Variants in KLHL1 observed in about 807,000 individuals in gnomAD.
KLHL1 encodes the protein kelch like family member 1, also known as kelch-like protein 1.
KLHL1 carries 47 observed loss-of-function variants against 77.7 expected under a neutral mutation model. The observed-to-expected ratio is 0.60, with a 90% CI of 0.48 to 0.77. KLHL1 has a LOEUF of 0.77. Ranked by LOEUF, KLHL1 falls within the 30% of genes least tolerant of loss-of-function variation. The probability of loss-of-function intolerance (pLI) is 0.00; values close to 1 mark genes in which losing one functional copy is unlikely to be tolerated. For missense variants in KLHL1, 925 were observed against 910.8 expected (o/e 1.02, Z -0.20); for synonymous variants, 360 against 325.2 (o/e 1.11, Z -1.15).
chr13:69,734,313 A>T (rs1873678649), intron 8 of KLHL1, among the ~76,000 whole-genome samples: 1 of 152,192 alleles, frequency 6.6e-6, no homozygotes, highest in African/African-American at 2.4e-5. Flanking sequence ...GAAGCTGTGC[A>T]GATGCCATCA....
chr13:69,894,637 A>T (rs1881563946), intron 4 of KLHL1: 1 of 160,482 alleles, frequency 6.2e-6, no homozygotes, highest in Non-Finnish European at 1.4e-5. Flanking sequence ...GTTCAAAGCC[A>T]ATCAATCTCA....
Position 70,107,701 on chromosome 13 carries a change from C to A in KLHL1, c.-2G>T. 3.3e-6 allele frequency: 5 copies of A among 1,517,168 alleles called. No individual in the cohort carries two copies. The highest frequency in any genetic ancestry group is 3.5e-6 in the Non-Finnish European group (4 of 1,137,444). 94.0% of individuals were successfully genotyped at this position (1,517,168 alleles called of 1,614,324 possible). On this transcript the variant is annotated 5_prime_UTR_variant, in exon 1 of 11. Transcript: ENST00000377844. ...GTCTTTTCGCCCAGAGCCTGACATG[C>A]TTTACGCACAGAAGGCAAAAGGCTG...
intron 3 of KLHL1, among the ~76,000 whole-genome samples, chr13:69,959,965 G>T (rs1442208224): frequency 6.6e-6 from 1 of 151,792 alleles, no homozygotes; most frequent in Non-Finnish European, 1.5e-5. Context: ...CAATATCCTT[G>T]AATAAAGTCT....
At chr13:69,996,964 T>C (rs1180818396) in intron 1 of KLHL1, among the ~76,000 whole-genome samples, 1 of 129,324 alleles carries the variant, frequency 7.7e-6, no homozygotes, top group East Asian at 2.8e-4. Flanking sequence ...CTCACGCCTG[T>C]AATCCCAGCA....
intron 9 of KLHL1, among the ~76,000 whole-genome samples, chr13:69,712,862 G>T (rs1310769127): frequency 1.3e-5 from 2 of 150,180 alleles, no homozygotes; most frequent in Non-Finnish European, 3.0e-5. Context: ...GGCTCACCAC[G>T]ACCTCTAGAG....
At chr13:70,063,779 C>A (rs1886946772) in intron 1 of KLHL1, among the ~76,000 whole-genome samples, 1 of 151,998 alleles carries the variant, frequency 6.6e-6, no homozygotes, top group Non-Finnish European at 1.5e-5. Flanking sequence ...TGTTTACAAG[C>A]TACTGCACAA....
intron 4 of KLHL1, among the ~76,000 whole-genome samples, chr13:69,890,979 A>G (rs1350771630): frequency 6.6e-6 from 1 of 152,102 alleles, no homozygotes; most frequent in Non-Finnish European, 1.5e-5. Context: ...GTTAATGTGT[A>G]CAGGTTTAAC....
chr13:69,975,540 T>A (rs1309480801), intron 2 of KLHL1, 80 bp downstream of exon 2: 2 of 1,191,462 alleles, frequency 1.7e-6, no homozygotes, highest in Non-Finnish European at 2.4e-6. Context: ...TGTAGTCATA[T>A]AATATTCTGC....
intron 4 of KLHL1, among the ~76,000 whole-genome samples, chr13:69,921,883 G>T (rs2138265252): frequency 6.6e-6 from 1 of 151,366 alleles, no homozygotes; most frequent in Middle Eastern, 3.5e-3. Flanking sequence ...AGGGATAAGG[G>T]AGTACTTAGG....
chr13:69,874,580 C>T (rs1406482607), intron 5 of KLHL1, among the ~76,000 whole-genome samples: 1 of 152,022 alleles, frequency 6.6e-6, no homozygotes, highest in Non-Finnish European at 1.5e-5. Flanking sequence ...TTATTATACC[C>T]TATATTAATG....
chr13:69,767,840 T>C (rs1214794315), intron 7 of KLHL1, among the ~76,000 whole-genome samples: 1 of 152,146 alleles, frequency 6.6e-6, no homozygotes, highest in Non-Finnish European at 1.5e-5. Flanking sequence ...TCTAGTGGCA[T>C]AGACTACTGC....
At chr13:69,948,598 T>C (rs1257900113) in intron 3 of KLHL1, among the ~76,000 whole-genome samples, 1 of 151,990 alleles carries the variant, frequency 6.6e-6, no homozygotes, top group African/African-American at 2.4e-5. Context: ...CTTCCAAATA[T>C]GTATGAGTAG....
chr13:69,969,159 A>G (rs1258273456), intron 2 of KLHL1, among the ~76,000 whole-genome samples: 1 of 152,182 alleles, frequency 6.6e-6, no homozygotes, highest in Non-Finnish European at 1.5e-5. Flanking sequence ...AACACAAAAT[A>G]CATTCTTTTA....
chr13:69,767,303 T>C (rs1243536512), intron 7 of KLHL1, among the ~76,000 whole-genome samples: 1 of 152,204 alleles, frequency 6.6e-6, no homozygotes, highest in Non-Finnish European at 1.5e-5. Flanking sequence ...AGAAGGATCA[T>C]TAGGAAAAAC....
At chr13:70,060,014 A>C (rs1270582250) in intron 1 of KLHL1, among the ~76,000 whole-genome samples, 3 of 152,194 alleles carry the variant, frequency 2.0e-5, no homozygotes, top group African/African-American at 7.2e-5. Flanking sequence ...ACACAAATCC[A>C]AACCATATCA....
chr13:69,802,150 A>AATG (rs530255786), intron 6 of KLHL1, among the ~76,000 whole-genome samples: 1,605 of 152,174 alleles, frequency 0.011, 25 homozygotes, highest in African/African-American at 0.037. Context: ...GTTTGCTGAG[A>AATG]ATGATGGTTT....
At chr13:69,950,918 T>G (rs1883688519) in intron 3 of KLHL1, among the ~76,000 whole-genome samples, 1 of 151,646 alleles carries the variant, frequency 6.6e-6, no homozygotes, top group East Asian at 1.9e-4. Context: ...TATCCACTTT[T>G]GGCTAAATAC....
At chr13:69,820,628 G>C (rs1000506730) in intron 6 of KLHL1, among the ~76,000 whole-genome samples, 1 of 152,200 alleles carries the variant, frequency 6.6e-6, no homozygotes, top group Non-Finnish European at 1.5e-5. Flanking sequence ...TACCAAGTTA[G>C]TTGAGAATTG....
intron 1 of KLHL1, among the ~76,000 whole-genome samples, chr13:69,995,808 T>C (rs1885137242): frequency 6.6e-6 from 1 of 152,136 alleles, no homozygotes; most frequent in African/African-American, 2.4e-5. Flanking sequence ...TAAACCTAGT[T>C]ATTTCCTCAG....
Sources: allele counts gnomAD v4.1 joint callset (sites outside exome capture counted in the v4.1 genomes callset), GRCh38; gene constraint gnomAD v4.1.1; transcripts MANE v1.5; gene names NCBI Gene and HGNC (gene_info 2026-07-23, HGNC 2026-07-21).